The following MTPN variants were observed in gnomAD, a reference collection of about 807,000 sequenced individuals.
The protein encoded by MTPN is granule cell differentiation protein.
In MTPN, 2 loss-of-function variants were observed where a neutral mutation model predicts 13.5. The ratio of observed to expected loss-of-function variants is 0.15; its 90% CI spans 0.06 to 0.47. The LOEUF (loss-of-function observed/expected upper bound fraction) is 0.47. Ranked by LOEUF, MTPN falls within the 20% of genes least tolerant of loss-of-function variation. The pLI is 0.97. For missense variants in MTPN, 79 were observed against 137.9 expected, an observed-to-expected ratio of 0.57 and a Z score of 2.14; for synonymous variants, 46 against 51.7, an observed-to-expected ratio of 0.89 and a Z score of 0.48.
At chr7:135,964,714 A>G (rs1799577825) in intron 1 of MTPN, among the ~76,000 whole-genome samples, 1 of 151,946 alleles carries the variant, frequency 6.6e-6, no homozygotes, top group Admixed American at 6.6e-5. Flanking sequence ...CTCTCTATCC[A>G]CAAGCACCTT....
chr7:135,959,692 A>G (rs758774215), intron 1 of MTPN, among the ~76,000 whole-genome samples: 3 of 152,116 alleles, frequency 2.0e-5, no homozygotes, highest in Non-Finnish European at 4.4e-5. Context: ...TGTATAGGAA[A>G]TATCCCTAGA....
intron 3 of MTPN, 76 bp downstream of exon 3, chr7:135,950,523 T>A (rs1799350414): frequency 8.3e-7 from 1 of 1,205,970 alleles, no homozygotes; most frequent in Non-Finnish European, 1.2e-6. Context: ...CACACAAAAT[T>A]CAAATAAATT....
intron 3 of MTPN, among the ~76,000 whole-genome samples, chr7:135,939,910 C>T (rs999169800): frequency 2.6e-5 from 4 of 152,136 alleles, no homozygotes; most frequent in Non-Finnish European, 4.4e-5. Flanking sequence ...AAAAAATTCA[C>T]ATCTGGGTCA....
At chr7:135,931,181 C>T (rs969443019) in intron 3 of MTPN, among the ~76,000 whole-genome samples, 11 of 152,086 alleles carry the variant, frequency 7.2e-5, no homozygotes, top group Admixed American at 2.6e-4. Flanking sequence ...GTTTAATATG[C>T]GCATACTGTG....
intron 1 of MTPN, among the ~76,000 whole-genome samples, chr7:135,969,392 C>T (rs1028511332): frequency 6.6e-6 from 1 of 151,158 alleles, no homozygotes; most frequent in Non-Finnish European, 1.5e-5. Context: ...TTTAGCCATT[C>T]TAATAGTTAT....
intron 3 of MTPN, among the ~76,000 whole-genome samples, chr7:135,938,660 G>A (rs144407176): frequency 1.1e-3 from 165 of 152,268 alleles, no homozygotes; most frequent in African/African-American, 3.7e-3. Context: ...TTCAAACACA[G>A]ACCTTCTCAG....
At position 135,928,105 on chromosome 7, in the gene MTPN, A is replaced by T. The variant is rs752023600; in HGVS notation, c.*1821T>A. On this transcript the variant is annotated 3_prime_UTR_variant, in exon 4 of 4. Transcript: ENST00000393085. ...CATATTTTAGTTCAGTGATGTAATA[A>T]AGTACTGATTACTGATTTTTAACCC... is the stretch of plus-strand genomic sequence containing the variant. 1 of 174,788 alleles carries T rather than the reference A, an allele frequency of 5.7e-6. No individual in the cohort carries two copies. Among genetic ancestry groups the T allele is most frequent in the Non-Finnish European group, 1.4e-5 (1 of 73,410 alleles). The allele number at this position is 174,788 out of a possible 1,614,324, so 10.8% of individuals were successfully genotyped here. A position where few individuals can be genotyped will look rare whatever the true frequency, so the allele number is the denominator to read the frequency against.
At chr7:135,931,435 G>C (rs1009815443) in intron 3 of MTPN, among the ~76,000 whole-genome samples, 4 of 152,124 alleles carry the variant, frequency 2.6e-5, no homozygotes, top group African/African-American at 9.7e-5. Context: ...CCAGGGAGGA[G>C]ATGACATTTT....
intron 3 of MTPN, among the ~76,000 whole-genome samples, chr7:135,941,492 C>G (rs543441770): frequency 7.0e-6 from 1 of 142,806 alleles, no homozygotes; most frequent in African/African-American, 2.5e-5. Context: ...AAATTCAATT[C>G]TTAAAATGTC....
At chr7:135,961,416 TTA>T (rs1301763744) in intron 1 of MTPN, among the ~76,000 whole-genome samples, 1 of 152,046 alleles carries the variant, frequency 6.6e-6, no homozygotes, top group East Asian at 1.9e-4. Context: ...AAAAATTAAA[TTA>T]GACTGGTCTC....
intron 1 of MTPN, among the ~76,000 whole-genome samples, chr7:135,972,213 GCACACGCGCACGCGCGCGCACACACACA>G (rs1388426848): frequency 9.2e-5 from 8 of 86,498 alleles, no homozygotes; most frequent in African/African-American, 1.3e-4. Flanking sequence ...ATACACACGC[GCACACGCGCACGCGCGCGCACACACACA>G]CACACACACA....
intron 3 of MTPN, chr7:135,932,785 A>G (rs1295853760): frequency 1.3e-5 from 2 of 152,140 alleles, no homozygotes; most frequent in African/African-American, 4.8e-5. Flanking sequence ...CAAAAGGGAT[A>G]CAATACTGAA....
chr7:135,940,486 A>T (rs935056150), intron 3 of MTPN, among the ~76,000 whole-genome samples: 18 of 152,290 alleles, frequency 1.2e-4, no homozygotes, highest in African/African-American at 4.1e-4. Context: ...CATTTTTCGT[A>T]GCAGTTTTGA....
chr7:135,952,529 T>C (rs1799377984), intron 1 of MTPN, among the ~76,000 whole-genome samples: 1 of 152,216 alleles, frequency 6.6e-6, no homozygotes, highest in Non-Finnish European at 1.5e-5. Context: ...AGAGGTTAAA[T>C]AACTTTTTAC....
intron 3 of MTPN, 143 bp from the exon 4 acceptor site, chr7:135,930,155 A>G (rs913885608): frequency 1.6e-6 from 1 of 623,404 alleles, no homozygotes; most frequent in East Asian, 2.7e-5. Context: ...CTGCAGAAAA[A>G]CAAACAAGTT....
intron 3 of MTPN, chr7:135,932,946 C>T (rs1357842782): frequency 6.6e-6 from 1 of 151,934 alleles, no homozygotes; most frequent in Non-Finnish European, 1.5e-5. Context: ...AAAAATTAGC[C>T]TCATGTGATG....
intron 3 of MTPN, among the ~76,000 whole-genome samples, chr7:135,937,370 TACAC>T (rs35704525): frequency 0.021 from 3,098 of 144,474 alleles, 38 homozygotes; most frequent in African/African-American, 0.039. Flanking sequence ...GCTAACTGGA[TACAC>T]ACACACACAC....
At chr7:135,969,130 C>T (rs1310845355) in intron 1 of MTPN, among the ~76,000 whole-genome samples, 3 of 138,684 alleles carry the variant, frequency 2.2e-5, no homozygotes, top group Non-Finnish European at 4.6e-5. Context: ...GGAGATATAC[C>T]TAATGCTAGA....
In MTPN at chr7:135,928,688, C is replaced by T. The variant is rs1798966783; in HGVS notation, c.*1238G>A. On this transcript the variant is annotated 3_prime_UTR_variant, in exon 4 of 4. Coordinates refer to ENST00000393085, the MANE Select transcript of MTPN (RefSeq NM_145808.4). Reference sequence around the variant, plus strand: ...TGGAAATATGTGTAAATATTTTCTGCAGGTCATAAGAACACCATTTTAGGG... The same window carrying T: ...TGGAAATATGTGTAAATATTTTCTGTAGGTCATAAGAACACCATTTTAGGG... The T allele has an allele frequency of 6.0e-6, 1 of 166,926 alleles. No homozygotes were observed. The highest frequency in any genetic ancestry group is 6.5e-5 in the Admixed American group (1 of 15,270). The allele number at this position is 166,926 out of a possible 1,614,324, so 10.3% of individuals were successfully genotyped here. A position where few individuals can be genotyped will look rare whatever the true frequency, so the allele number is the denominator to read the frequency against.
Sources: allele counts gnomAD v4.1 joint callset (sites outside exome capture counted in the v4.1 genomes callset), GRCh38; gene constraint gnomAD v4.1.1; transcripts MANE v1.5; gene names NCBI Gene and HGNC (gene_info 2026-07-23, HGNC 2026-07-21).